Variants in ARB2A observed in about 807,000 individuals in gnomAD.
ARB2A encodes ARB2 cotranscriptional regulator A.
the ARB2A span, among the ~76,000 whole-genome samples, chr5:94,075,723 T>C: frequency 3.9e-5 from 6 of 152,284 alleles, no homozygotes; most frequent in African/African-American, 1.4e-4. Flanking sequence ...TAATTATCTT[T>C]AAAAACAGAT....
chr5:94,071,319 C>T, the ARB2A span, among the ~76,000 whole-genome samples: 1 of 151,928 alleles, frequency 6.6e-6, no homozygotes, highest in African/African-American at 2.4e-5. Flanking sequence ...AGAAAACCTT[C>T]ATAAACTAGG....
At chr5:93,626,640 TTA>T in the ARB2A span, among the ~76,000 whole-genome samples, 9 of 152,320 alleles carry the variant, frequency 5.9e-5, no homozygotes, top group African/African-American at 1.7e-4. Context: ...TGCAAAAGCA[TTA>T]TGTCTAAAAA....
the ARB2A span, among the ~76,000 whole-genome samples, chr5:93,746,350 C>A: frequency 6.6e-6 from 1 of 151,988 alleles, no homozygotes. Context: ...TAGGAGATAA[C>A]AGAGGACAAG....
chr5:93,649,317 A>G, the ARB2A span, among the ~76,000 whole-genome samples: 1 of 152,204 alleles, frequency 6.6e-6, no homozygotes, highest in Non-Finnish European at 1.5e-5. Flanking sequence ...TCTATTTGAT[A>G]GGATTGGAGA....
At chr5:93,743,031 T>G in the ARB2A span, 1 of 150,938 alleles carries the variant, frequency 6.6e-6, no homozygotes, top group African/African-American at 2.4e-5. Flanking sequence ...CTGGGACTCC[T>G]AAAACATCTG....
chr5:94,083,617 T>C, the ARB2A span, among the ~76,000 whole-genome samples: 10 of 152,052 alleles, frequency 6.6e-5, no homozygotes, highest in African/African-American at 1.9e-4. Flanking sequence ...CTCTTCAAAA[T>C]CAAGAACCAG....
the ARB2A span, among the ~76,000 whole-genome samples, chr5:94,085,786 G>C: frequency 6.6e-6 from 1 of 152,168 alleles, no homozygotes; most frequent in African/African-American, 2.4e-5. Context: ...GGGCAAAGAT[G>C]AGTATTACAC....
chr5:93,897,546 T>G, the ARB2A span, among the ~76,000 whole-genome samples: 1 of 151,990 alleles, frequency 6.6e-6, no homozygotes, highest in Non-Finnish European at 1.5e-5. Flanking sequence ...TAAAGTACTT[T>G]AATTGTACAC....
At chr5:94,040,255 G>C in the ARB2A span, among the ~76,000 whole-genome samples, 1 of 152,144 alleles carries the variant, frequency 6.6e-6, no homozygotes, top group Admixed American at 6.5e-5. Flanking sequence ...ACAGGATCGT[G>C]GGACATGGGG....
At chr5:93,682,396 C>T in the ARB2A span, among the ~76,000 whole-genome samples, 3 of 151,964 alleles carry the variant, frequency 2.0e-5, no homozygotes, top group African/African-American at 7.3e-5. Context: ...TGACTTCCCA[C>T]CTTGTAAAAA....
the ARB2A span, among the ~76,000 whole-genome samples, chr5:93,760,135 C>A: frequency 6.6e-6 from 1 of 152,084 alleles, no homozygotes; most frequent in African/African-American, 2.4e-5. Context: ...AAGAACTCAA[C>A]CCCTTTTAAA....
At chr5:93,784,319 TG>T in the ARB2A span, 1 of 1,109,704 alleles carries the variant, frequency 9.0e-7, no homozygotes, top group Non-Finnish European at 1.3e-6. Context: ...TACAGGTTGG[TG>T]GGGGCTCAAG....
chr5:94,100,991 T>C, the ARB2A span, among the ~76,000 whole-genome samples: 3 of 151,720 alleles, frequency 2.0e-5, no homozygotes, highest in East Asian at 1.9e-4. Context: ...ATCAACAGAG[T>C]AAACAGACAA....
At chr5:94,049,471 G>C in the ARB2A span, among the ~76,000 whole-genome samples, 1 of 152,120 alleles carries the variant, frequency 6.6e-6, no homozygotes, top group African/African-American at 2.4e-5. Flanking sequence ...GCCGAGGCAG[G>C]CGGATGACTT....
chr5:93,832,087 G>A, the ARB2A span, among the ~76,000 whole-genome samples: 1 of 152,202 alleles, frequency 6.6e-6, no homozygotes, highest in African/African-American at 2.4e-5. Context: ...ATATAGAAAA[G>A]GAATCAACCT....
At chr5:93,784,706 T>C in the ARB2A span, among the ~76,000 whole-genome samples, 1 of 152,144 alleles carries the variant, frequency 6.6e-6, no homozygotes, top group East Asian at 1.9e-4. Context: ...TTTAAAAAAA[T>C]ACCACTTAAG....
chr5:94,055,593 G>A, the ARB2A span: 1 of 980,114 alleles, frequency 1.0e-6, no homozygotes, highest in African/African-American at 1.7e-5. Context: ...AGACAAAAAT[G>A]TCACATATAC....
chr5:93,951,621 T>C, the ARB2A span, among the ~76,000 whole-genome samples: 1 of 152,226 alleles, frequency 6.6e-6, no homozygotes, highest in East Asian at 1.9e-4. Flanking sequence ...TTATCAAAAA[T>C]AAGTTCACTG....
the ARB2A span, among the ~76,000 whole-genome samples, chr5:94,036,496 C>T: frequency 2.0e-5 from 3 of 152,306 alleles, no homozygotes; most frequent in Admixed American, 6.5e-5. Flanking sequence ...CCACTTTACA[C>T]TCCCACCAGC....
Sources: allele counts gnomAD v4.1 joint callset (sites outside exome capture counted in the v4.1 genomes callset), GRCh38; gene constraint gnomAD v4.1.1; transcripts MANE v1.5; gene names NCBI Gene and HGNC (gene_info 2026-07-23, HGNC 2026-07-21).